The following ADA variants were observed in gnomAD, a reference collection of about 807,000 sequenced individuals.
ADA encodes the protein adenosine deaminase.
In ADA, 45 loss-of-function variants were observed where a neutral mutation model predicts 49.0. The observed-to-expected ratio is 0.92, with a 90% CI of 0.72 to 1.18. The LOEUF (loss-of-function observed/expected upper bound fraction) is 1.18. Ranked by LOEUF, ADA falls within the 50% of genes most tolerant of loss-of-function variation. The pLI is 0.00. For synonymous variants in ADA, 173 were observed against 184.2 expected (o/e 0.94, Z 0.49); for missense variants, 445 against 472.5 (o/e 0.94, Z 0.54).
At chr20:44,638,057 C>T (rs760312578) in intron 1 of ADA, among the ~76,000 whole-genome samples, 3 of 152,138 alleles carry the variant, frequency 2.0e-5, no homozygotes, top group Non-Finnish European at 2.9e-5. Context: ...GCCAGAGAGC[C>T]GGAGTCACAC....
At chr20:44,629,246 C>A in intron 2 of ADA, 77 bp from the exon 3 acceptor site, 1 of 1,600,960 alleles carries the variant, frequency 6.2e-7, no homozygotes, top group Non-Finnish European at 8.5e-7. Context: ...ATGGAGCAGA[C>A]TCAGGAGCGC....
At chr20:44,640,835 G>T (rs955087106) in intron 1 of ADA, among the ~76,000 whole-genome samples, 1 of 151,920 alleles carries the variant, frequency 6.6e-6, no homozygotes, top group African/African-American at 2.4e-5. Flanking sequence ...AAGCAGCAAC[G>T]TGACCTCAGA....
chr20:44,619,828 G>T lies in ADA; in HGVS notation c.*6C>A, dbSNP rs1377119540. On this transcript the variant is annotated 3_prime_UTR_variant, in exon 12 of 12. Coordinates refer to ENST00000372874, the MANE Select transcript of ADA (RefSeq NM_000022.4). ...CACAGGGTGAAGGCTTGGAGGAGTG[G>T]CGTCTTCAGAGGTTCTGCCCTGCTC... 6.2e-7 allele frequency: 1 copy of T among 1,614,192 alleles called. No homozygotes were observed. The highest frequency in any genetic ancestry group is 8.5e-7 in the Non-Finnish European group (1 of 1,180,030).
chr20:44,646,232 A>G lies in ADA; in HGVS notation c.33+5343T>C, dbSNP rs545174203. ...CTCCCCTGCCTCCCTGTGTGAACAC[A>G]GACCACTTCCTCTCTCTGATCCTCC... On this transcript the variant is annotated intron_variant, in intron 1 of 11. Transcript: ENST00000372874. Among the ~76,000 whole-genome samples the G allele has an allele frequency of 2.0e-5, 3 of 152,316 alleles. No individual in the cohort carries two copies. The South Asian group carries it at 6.2e-4, about 32-fold the overall frequency.
rs202006713 is a variant in ADA, at chr20:44,621,005, C to G, written c.975+13G>C. ...AACCCGAGTCAAGGCCAGTATGGCT[C>G]ACACCCACTCACCAGCCTTTTAAAC... On this transcript the variant is annotated intron_variant, in intron 10 of 11. Coordinates refer to ENST00000372874, the MANE Select transcript of ADA (RefSeq NM_000022.4). The G allele has an allele frequency of 2.8e-5, 45 of 1,613,716 alleles. No individual in the cohort carries two copies. Among genetic ancestry groups the G allele is most frequent in the Non-Finnish European group, 3.5e-5 (41 of 1,179,984 alleles).
At chr20:44,629,659 G>A (rs970571289) in intron 2 of ADA, among the ~76,000 whole-genome samples, 2 of 152,200 alleles carry the variant, frequency 1.3e-5, no homozygotes, top group Admixed American at 1.3e-4. Context: ...CATCTGGCTG[G>A]CACATCAGAG....
At chr20:44,631,191 T>C (rs535624956) in intron 2 of ADA, among the ~76,000 whole-genome samples, 2 of 152,164 alleles carry the variant, frequency 1.3e-5, no homozygotes, top group East Asian at 1.9e-4. Flanking sequence ...CCCTTCCCCA[T>C]CTGTTAGCCC....
intron 11 of ADA, 114 bp from the exon 12 acceptor site, chr20:44,619,961 G>C: frequency 7.2e-7 from 1 of 1,390,012 alleles, no homozygotes; most frequent in Non-Finnish European, 1.0e-6. Context: ...ATGGCAAGAA[G>C]ATGCCTTGCC....
chr20:44,649,963 C>T lies in ADA; in HGVS notation c.33+1612G>A, dbSNP rs548878592. On this transcript the variant is annotated intron_variant, in intron 1 of 11. Coordinates refer to ENST00000372874, the MANE Select transcript of ADA (RefSeq NM_000022.4). ...TGTTGGCCAGGCTGGTCTCGAACTCCTGGCCTCATGATCCACCCACCTTTG... is the reference window on the plus strand; with the variant it reads ...TGTTGGCCAGGCTGGTCTCGAACTCTTGGCCTCATGATCCACCCACCTTTG... 5.9e-5 allele frequency among the ~76,000 whole-genome samples: 9 copies of T among 152,236 alleles called. No individual in the cohort carries two copies. In the South Asian group the frequency reaches 1.9e-3, roughly 32 times the overall value.
At chr20:44,626,020 G>A (rs1013479986) in intron 4 of ADA, among the ~76,000 whole-genome samples, 1 of 152,196 alleles carries the variant, frequency 6.6e-6, no homozygotes, top group African/African-American at 2.4e-5. Context: ...ATGGGGCAGG[G>A]TGGTTTTGTG....
At chr20:44,635,048 TCA>T (rs1197782531) in intron 2 of ADA, among the ~76,000 whole-genome samples, 6 of 152,178 alleles carry the variant, frequency 3.9e-5, no homozygotes, top group Admixed American at 3.9e-4. Flanking sequence ...GTTCTTAGCC[TCA>T]GTTGATAGAG....
intron 1 of ADA, among the ~76,000 whole-genome samples, chr20:44,644,524 C>T (rs915350775): frequency 6.6e-6 from 1 of 152,210 alleles, no homozygotes; most frequent in African/African-American, 2.4e-5. Flanking sequence ...AACCTGAGCA[C>T]CGTGGCCAGA....
At chr20:44,639,235 AG>A (rs2145344232) in intron 1 of ADA, among the ~76,000 whole-genome samples, 1 of 152,260 alleles carries the variant, frequency 6.6e-6, no homozygotes, top group South Asian at 2.1e-4. Context: ...ACAGGTGGAT[AG>A]AAAGAGATGC....
chr20:44,651,560 C>A lies in ADA; in HGVS notation c.33+15G>T. 6.5e-7 allele frequency: 1 copy of A among 1,535,006 alleles called. No homozygotes were observed. Among genetic ancestry groups the A allele is most frequent in the Non-Finnish European group, 8.7e-7 (1 of 1,147,168 alleles). ...GCGCCGGACCCCCGTCCCCGGAGCC[C>A]CCGCGCGCGCTCACTTTGGGCTTGT... On this transcript the variant is annotated intron_variant, in intron 1 of 11. Transcript: ENST00000372874.
At chr20:44,649,957 G>A (rs1310622613) in intron 1 of ADA, among the ~76,000 whole-genome samples, 2 of 152,034 alleles carry the variant, frequency 1.3e-5, no homozygotes, top group Non-Finnish European at 2.9e-5. Context: ...GGCTGGTCTC[G>A]AACTCCTGGC....
intron 4 of ADA, 98 bp downstream of exon 4, chr20:44,626,358 G>C (rs1260455715): frequency 5.8e-6 from 9 of 1,563,542 alleles, no homozygotes; most frequent in Non-Finnish European, 7.9e-6. Context: ...ACAAGGTCTT[G>C]CTTGGGTCAG....
In ADA at chr20:44,619,676, G is replaced by A. The variant is rs932362511; in HGVS notation, c.*158C>T. 6.3e-6 allele frequency: 6 copies of A among 951,068 alleles called. No homozygotes were observed. Among genetic ancestry groups the A allele is most frequent in the Admixed American group, 1.9e-5 (1 of 51,364 alleles). 58.9% of individuals were successfully genotyped at this position (951,068 alleles called of 1,614,324 possible). A position where few individuals can be genotyped will look rare whatever the true frequency, so the allele number is the denominator to read the frequency against. On this transcript the variant is annotated 3_prime_UTR_variant, in exon 12 of 12. Transcript: ENST00000372874. ...AGAGAAGTGACGCGGCCATGCCGAG[G>A]TATACGTGTGTGCAGAAATGGACAC...
chr20:44,639,240 G>C (rs1205708672), intron 1 of ADA, among the ~76,000 whole-genome samples: 1 of 152,152 alleles, frequency 6.6e-6, no homozygotes, highest in Non-Finnish European at 1.5e-5. Flanking sequence ...TGGATAGAAA[G>C]AGATGCCAAG....
intron 1 of ADA, among the ~76,000 whole-genome samples, chr20:44,650,539 C>T (rs1357204939): frequency 1.3e-5 from 2 of 152,062 alleles, no homozygotes; most frequent in Non-Finnish European, 2.9e-5. Context: ...GCGATCCTCC[C>T]GCCTCAGCCT....
Sources: gnomAD v4.1 joint callset for allele counts (sites outside exome capture counted in the v4.1 genomes callset) on GRCh38, gnomAD v4.1.1 for gene constraint, MANE v1.5 for transcripts, NCBI Gene and HGNC (gene_info 2026-07-23, HGNC 2026-07-21) for gene names.